CAMK4: variants seen among roughly 807,000 people sequenced by gnomAD.
CAMK4 encodes calcium/calmodulin dependent protein kinase IV, also known as calcium/calmodulin-dependent protein kinase type IV.
CAMK4 carries 22 observed loss-of-function variants against 44.9 expected under a neutral mutation model. The observed-to-expected ratio is 0.49, with a 90% confidence interval of 0.35 to 0.70. The LOEUF (loss-of-function observed/expected upper bound fraction) is 0.70. CAMK4 is among the 30% of genes least tolerant of loss of function. The pLI, the probability that CAMK4 is intolerant of heterozygous loss-of-function variation, is 0.01. For missense variants in CAMK4, 498 were observed against 586.8 expected, an observed-to-expected ratio of 0.85 and a Z score of 1.56; for synonymous variants, 218 against 215.4, an observed-to-expected ratio of 1.01 and a Z score of -0.11.
At chr5:111,293,653 C>T (rs568957824) in intron 1 of CAMK4, among the ~76,000 whole-genome samples, 34 of 151,672 alleles carry the variant, frequency 2.2e-4, no homozygotes, top group African/African-American at 7.7e-4. Flanking sequence ...TCTCGAACTA[C>T]TGACCTTGTG....
At chr5:111,390,982 G>A (rs1257192769) in intron 4 of CAMK4, among the ~76,000 whole-genome samples, 1 of 152,152 alleles carries the variant, frequency 6.6e-6, no homozygotes, top group Non-Finnish European at 1.5e-5. Context: ...TTTGGAAGAA[G>A]GATAGGTCAA....
intron 2 of CAMK4, among the ~76,000 whole-genome samples, chr5:111,351,817 C>A (rs1750121321): frequency 6.6e-6 from 1 of 152,026 alleles, no homozygotes; most frequent in African/African-American, 2.4e-5. Context: ...AGATGCGTCT[C>A]CAAGAGATTG....
chr5:111,226,594 C>G (rs1748204661), intron 1 of CAMK4, among the ~76,000 whole-genome samples: 1 of 152,218 alleles, frequency 6.6e-6, no homozygotes, highest in African/African-American at 2.4e-5. Context: ...GCAAAATCAT[C>G]TAACATAAAG....
rs199721159 is a variant in CAMK4, at chr5:111,224,554, G to A, written c.71G>A (p.Gly24Glu). ...CSSVTASAAP[G>E]TASLVPDYWI... is the part of the protein sequence containing the mutation. The stretch of plus-strand genomic sequence containing the variant: ...TCGGTCACCGCCAGTGCGGCCCCGG[G>A]GACCGCGAGCCTCGTCCCGGATTAC... The change falls in exon 1 of 11, where the codon GGG becomes GAG. Residue 24 changes from glycine (G) to glutamate (E), a missense_variant. Transcript: ENST00000282356. This position sits in a 1 kb window ranked among gnomAD's most constrained non-coding sequence, Gnocchi z 5.7. The A allele has an allele frequency of 1.9e-6, 3 of 1,612,040 alleles. No homozygotes were observed. The highest frequency in any genetic ancestry group is 2.5e-6 in the Non-Finnish European group (3 of 1,179,542).
intron 1 of CAMK4, among the ~76,000 whole-genome samples, chr5:111,337,181 C>T (rs767684492): frequency 6.6e-6 from 1 of 151,148 alleles, no homozygotes; most frequent in Admixed American, 6.6e-5. Flanking sequence ...TGTGTACCCT[C>T]ATTAATTCCT....
intron 1 of CAMK4, among the ~76,000 whole-genome samples, chr5:111,300,550 A>C (rs1169511618): frequency 1.3e-5 from 2 of 152,182 alleles, no homozygotes; most frequent in Non-Finnish European, 2.9e-5. Context: ...CTTTTTTGTT[A>C]AAATGTTTAC....
chr5:111,382,574 G>T (rs1484541909), intron 4 of CAMK4, among the ~76,000 whole-genome samples: 1 of 152,110 alleles, frequency 6.6e-6, no homozygotes, highest in Non-Finnish European at 1.5e-5. Flanking sequence ...TGGGTTGCTG[G>T]CAGAGTATGC....
chr5:111,318,218 T>A (rs1748516128), intron 1 of CAMK4, among the ~76,000 whole-genome samples: 2 of 152,148 alleles, frequency 1.3e-5, no homozygotes, highest in African/African-American at 2.4e-5. Flanking sequence ...CTGAAAAAGG[T>A]GATCAGAATT....
At chr5:111,361,931 G>A (rs1750608258) in intron 2 of CAMK4, among the ~76,000 whole-genome samples, 1 of 151,914 alleles carries the variant, frequency 6.6e-6, no homozygotes, top group African/African-American at 2.4e-5. Context: ...TTCTCTGACT[G>A]GGGTGGAACA....
intron 9 of CAMK4, among the ~76,000 whole-genome samples, chr5:111,478,758 T>G (rs77218821): frequency 0.057 from 8,621 of 152,300 alleles, 727 homozygotes; most frequent in African/African-American, 0.18. Flanking sequence ...TTTACTACCT[T>G]ATAAGTATAA....
At chr5:111,383,466 C>G (rs1203744952) in intron 4 of CAMK4, among the ~76,000 whole-genome samples, 3 of 152,084 alleles carry the variant, frequency 2.0e-5, no homozygotes, top group Non-Finnish European at 4.4e-5. Context: ...ATTACTGAAT[C>G]AGAGACAAAG....
At chr5:111,473,426 T>G in intron 8 of CAMK4, 40 bp downstream of exon 8, 5 of 1,288,194 alleles carry the variant, frequency 3.9e-6, no homozygotes, top group Admixed American at 3.5e-5. Flanking sequence ...ACTATTTACC[T>G]TGCTGTGACA....
intron 5 of CAMK4, among the ~76,000 whole-genome samples, chr5:111,409,860 G>C (rs1490321123): frequency 2.0e-5 from 3 of 152,056 alleles, no homozygotes; most frequent in African/African-American, 7.2e-5. Flanking sequence ...ATCTCCATTT[G>C]AGTCCACCTC....
intron 5 of CAMK4, among the ~76,000 whole-genome samples, chr5:111,417,411 T>G (rs1752854121): frequency 2.0e-5 from 3 of 152,182 alleles, no homozygotes; most frequent in African/African-American, 7.2e-5. Flanking sequence ...AGATGGGGTT[T>G]CACCATGTTG....
chr5:111,299,256 T>G (rs1747619667), intron 1 of CAMK4, among the ~76,000 whole-genome samples: 2 of 152,240 alleles, frequency 1.3e-5, no homozygotes, highest in Admixed American at 1.3e-4. Context: ...TGAAGTACAT[T>G]AGGTAACCAC....
At chr5:111,258,463 A>T (rs1241002010) in intron 1 of CAMK4, among the ~76,000 whole-genome samples, 6 of 152,190 alleles carry the variant, frequency 3.9e-5, no homozygotes, top group Non-Finnish European at 8.8e-5. Context: ...CCTCAGAATC[A>T]TGGTGGGAGG....
chr5:111,364,713 C>G (rs1275045793), intron 2 of CAMK4, among the ~76,000 whole-genome samples: 1 of 151,988 alleles, frequency 6.6e-6, no homozygotes, highest in Non-Finnish European at 1.5e-5. Flanking sequence ...GAAATCCCTT[C>G]TTTTTTCTTT....
At chr5:111,337,915 C>T (rs989512117) in intron 1 of CAMK4, among the ~76,000 whole-genome samples, 3 of 151,100 alleles carry the variant, frequency 2.0e-5, no homozygotes, top group Non-Finnish European at 4.5e-5. Context: ...TCTTGCCCTG[C>T]TGCCTCTAGA....
At chr5:111,421,095 A>G (rs1352291568) in intron 5 of CAMK4, among the ~76,000 whole-genome samples, 1 of 152,242 alleles carries the variant, frequency 6.6e-6, no homozygotes, top group African/African-American at 2.4e-5. Context: ...AGAAATTATA[A>G]AAGTATTAAT....
Sources: gnomAD v4.1 joint callset for allele counts (sites outside exome capture counted in the v4.1 genomes callset) on GRCh38, gnomAD v4.1.1 for gene constraint, Gnocchi (gnomAD v3.1) non-coding constraint, MANE v1.5 for transcripts, NCBI Gene and HGNC (gene_info 2026-07-23, HGNC 2026-07-21) for gene names.